TCIRG1: variants seen among roughly 807,000 people sequenced by gnomAD.
The protein encoded by TCIRG1 is V-type proton ATPase 116 kDa subunit a 3.
Under a neutral mutation model 95.5 loss-of-function variants are expected in TCIRG1, and 86 were observed. The ratio of observed to expected loss-of-function variants is 0.90; its 90% CI spans 0.76 to 1.08. The LOEUF is 1.08. TCIRG1 is among the 50% of genes least tolerant of loss of function. The pLI is 0.00. For missense variants in TCIRG1, 1,069 were observed against 1,140.2 expected (o/e 0.94, Z 0.90); for synonymous variants, 499 against 501.3 (o/e 1.00, Z 0.06).
downstream of TCIRG1, chr11:68,050,922 T>A (rs1855775455): frequency 2.2e-6 from 3 of 1,338,272 alleles, no homozygotes; most frequent in Non-Finnish European, 3.1e-6. Context: ...CTTCCCTCCT[T>A]TTTAGCTGAG....
intron 9 of TCIRG1, 108 bp from the exon 10 acceptor site, chr11:68,044,850 C>A (rs1458416682): frequency 2.2e-6 from 3 of 1,394,452 alleles, no homozygotes; most frequent in Non-Finnish European, 3.0e-6. Context: ...AGGGGCTGCC[C>A]AGTGAGCCCC....
intron 10 of TCIRG1, chr11:68,047,005 T>TC (rs1855522233): frequency 2.8e-6 from 1 of 358,202 alleles, no homozygotes; most frequent in Non-Finnish European, 5.1e-6. Context: ...AGTGGTGGGT[T>TC]CTTTTTTTTT....
In TCIRG1 at chr11:68,044,225, GC is replaced by G; in HGVS notation, c.903del (p.Val302CysfsTer5). On this transcript the variant is annotated frameshift_variant, in exon 9 of 20. Transcript: ENST00000265686. LOFTEE classifies it high-confidence loss of function. The stretch of plus-strand genomic sequence containing the variant: ...GCAGGTGCAGGTCCACAAGATGAAG[GC>G]CGTGTACCTGGCCCTGAACCAGTGC... ...PGQVQVHKMK[A>X]VYLALNQCSV... 2 of 1,584,326 alleles carry G rather than the reference GC, an allele frequency of 1.3e-6. No individual in the cohort carries two copies. Among genetic ancestry groups the G allele is most frequent in the Non-Finnish European group, 1.7e-6 (2 of 1,167,000 alleles).
intron 2 of TCIRG1, 39 bp downstream of exon 2, chr11:68,041,427 C>A (rs1855155948): frequency 1.4e-6 from 2 of 1,442,306 alleles, no homozygotes; most frequent in African/African-American, 1.4e-5. Flanking sequence ...GGGCTACTGC[C>A]AAGGTTAGCC....
downstream of TCIRG1, chr11:68,052,690 G>A (rs1198075612): frequency 1.3e-5 from 2 of 152,254 alleles, no homozygotes; most frequent in African/African-American, 4.8e-5. Flanking sequence ...GGAGGAGGTG[G>A]AGGAGGGCTG....
chr11:68,047,939 C>T lies in TCIRG1; in HGVS notation c.1521C>T (p.Val507=), dbSNP rs1428791832. 1 of 1,613,746 alleles carries T rather than the reference C, an allele frequency of 6.2e-7. No individual in the cohort carries two copies. The highest frequency in any genetic ancestry group is 8.5e-7 in the Non-Finnish European group (1 of 1,180,042). The stretch of plus-strand genomic sequence containing the variant: ...CCCTGGATCCCAACGTCACCGGTGT[C>T]TTCCTGGGACCCTACCCCTTTGGCA... ...MLTLDPNVTG[V]FLGPYPFGID... The change falls in exon 13 of 20, where the codon GTC becomes GTT. Residue 507 remains valine (V), a synonymous_variant. Coordinates refer to ENST00000265686, the MANE Select transcript of TCIRG1 (RefSeq NM_006019.4).
intron 9 of TCIRG1, 79 bp downstream of exon 9, chr11:68,044,423 C>T (rs1038531105): frequency 2.5e-5 from 30 of 1,195,590 alleles, no homozygotes; most frequent in Non-Finnish European, 3.3e-5. Flanking sequence ...CTTCCAGCCT[C>T]TGGCTCCCTG....
Position 68,047,940 on chromosome 11 carries a change from T to C in TCIRG1, c.1522T>C (p.Phe508Leu). 3 of 1,613,842 alleles carry C rather than the reference T, an allele frequency of 1.9e-6. No individual in the cohort carries two copies. Among genetic ancestry groups the C allele is most frequent in the Non-Finnish European group, 2.5e-6 (3 of 1,180,022 alleles). The change falls in exon 13 of 20, where the codon TTC becomes CTC. Residue 508 changes from phenylalanine (F) to leucine (L), a missense_variant. Phe to Leu is a conservative substitution (Grantham distance 22). Coordinates refer to ENST00000265686, the MANE Select transcript of TCIRG1 (RefSeq NM_006019.4). The stretch of plus-strand genomic sequence containing the variant: ...CCTGGATCCCAACGTCACCGGTGTC[T>C]TCCTGGGACCCTACCCCTTTGGCAT... ...LTLDPNVTGV[F>L]LGPYPFGIDP... is the part of the protein sequence containing the mutation.
chr11:68,043,429 A>C lies in TCIRG1; in HGVS notation c.562A>C (p.Arg188=). The C allele has an allele frequency of 1.3e-6, 2 of 1,546,062 alleles. No individual in the cohort carries two copies. The highest frequency in any genetic ancestry group is 1.7e-6 in the Non-Finnish European group (2 of 1,146,800). ...KAPALERLLW[R]ACRGFLIASF... is the part of the protein sequence containing the mutation. ...CCCTGCCCTAGAGCGCCTGCTCTGGAGGGCCTGCCGCGGCTTCCTCATTGC... is the reference window on the plus strand; with the variant it reads ...CCCTGCCCTAGAGCGCCTGCTCTGGCGGGCCTGCCGCGGCTTCCTCATTGC... The change falls in exon 6 of 20, where the codon AGG becomes CGG. Residue 188 remains arginine (R), a synonymous_variant. Coordinates refer to ENST00000265686, the MANE Select transcript of TCIRG1 (RefSeq NM_006019.4).
chr11:68,045,223 C>G, intron 10 of TCIRG1, 121 bp downstream of exon 10: 1 of 1,244,084 alleles, frequency 8.0e-7, no homozygotes, highest in Non-Finnish European at 1.1e-6. Context: ...GGATGAGGGG[C>G]ACACATCCCA....
Position 68,041,294 on chromosome 11 carries a change from AG to A in TCIRG1, c.25del (p.Glu9ArgfsTer18). The A allele has an allele frequency of 6.2e-7, 1 of 1,613,000 alleles. No homozygotes were observed. Among genetic ancestry groups the A allele is most frequent in the Non-Finnish European group, 8.5e-7 (1 of 1,179,880 alleles). On this transcript the variant is annotated frameshift_variant, in exon 2 of 20. Coordinates refer to ENST00000265686, the MANE Select transcript of TCIRG1 (RefSeq NM_006019.4). LOFTEE classifies it high-confidence loss of function. ...ACCATGGGCTCCATGTTCCGGAGCGAGGAGGTGGCCCTGGTCCAGCTCTTTC... is the reference window on the plus strand; with the variant it reads ...ACCATGGGCTCCATGTTCCGGAGCGAGAGGTGGCCCTGGTCCAGCTCTTTC... The part of the protein sequence containing the change: MGSMFRS[E>X]EVALVQLFLP...
intron 9 of TCIRG1, 45 bp from the exon 10 acceptor site, chr11:68,044,913 A>G: frequency 6.2e-7 from 1 of 1,601,982 alleles, no homozygotes; most frequent in East Asian, 2.2e-5. Context: ...AGGGTCCCTG[A>G]AGGCCCCCGC....
chr11:68,043,693 C>T (rs758739985), intron 7 of TCIRG1, 40 bp downstream of exon 7: 10 of 1,565,436 alleles, frequency 6.4e-6, no homozygotes. Flanking sequence ...CCCTGCTCCC[C>T]AGGCCCCTGC....
chr11:68,048,720 C>G, intron 13 of TCIRG1, 159 bp from the exon 14 acceptor site: 1 of 728,716 alleles, frequency 1.4e-6, no homozygotes, highest in African/African-American at 1.7e-5. Flanking sequence ...GGCAGCTGGC[C>G]CATCTGCGCT....
At position 68,049,690 on chromosome 11, in the gene TCIRG1, C is replaced by A; in HGVS notation, c.1915C>A (p.Leu639Met). 1 of 1,600,420 alleles carries A rather than the reference C, an allele frequency of 6.2e-7. No individual in the cohort carries two copies. Among genetic ancestry groups the A allele is most frequent in the East Asian group, 2.2e-5 (1 of 44,762 alleles). The change falls in exon 16 of 20, where the codon CTG becomes ATG. Residue 639 changes from leucine (L) to methionine (M), a missense_variant. Transcript: ENST00000265686. ...QEVVQATLVV[L>M]ALAMVPILLL... Reference sequence around the variant, plus strand: ...GGTGGTCCAGGCCACGCTGGTGGTCCTGGCCTTGGCCATGGTGCCCATCCT... The same window carrying A: ...GGTGGTCCAGGCCACGCTGGTGGTCATGGCCTTGGCCATGGTGCCCATCCT...
At chr11:68,045,688 G>A (rs566539891) in intron 10 of TCIRG1, among the ~76,000 whole-genome samples, 91 of 152,174 alleles carry the variant, frequency 6.0e-4, no homozygotes, top group Admixed American at 1.0e-3. Flanking sequence ...CAAGTAGCTG[G>A]GATTACAGGC....
At chr11:68,041,712 C>T (rs1161487953) in intron 2 of TCIRG1, 41 bp from the exon 3 acceptor site, 1 of 1,550,580 alleles carries the variant, frequency 6.4e-7, no homozygotes, top group Non-Finnish European at 8.8e-7. Context: ...GCTCCCTGAC[C>T]CCCTTCCCGG....
downstream of TCIRG1, among the ~76,000 whole-genome samples, chr11:68,051,205 C>T (rs775635729): frequency 2.0e-5 from 3 of 152,164 alleles, no homozygotes; most frequent in Admixed American, 6.5e-5. Flanking sequence ...AATATCCATG[C>T]CCTGGTGCCG....
chr11:68,041,434 AGCCCGGAG>A, intron 2 of TCIRG1, 46 bp downstream of exon 2: 1 of 1,409,304 alleles, frequency 7.1e-7, no homozygotes, highest in South Asian at 1.2e-5. Context: ...TGCCAAGGTT[AGCCCGGAG>A]GCCGGTCCAG....
Sources: allele counts gnomAD v4.1 joint callset (sites outside exome capture counted in the v4.1 genomes callset), GRCh38; gene constraint gnomAD v4.1.1; transcripts MANE v1.5; gene names NCBI Gene and HGNC (gene_info 2026-07-23, HGNC 2026-07-21).